Variants in BRWD1 observed in about 807,000 individuals in gnomAD.
BRWD1 encodes bromodomain and WD repeat-containing protein 1.
BRWD1 carries 82 observed loss-of-function variants against 251.2 expected under a neutral mutation model. The observed-to-expected ratio is 0.33, with a 90% CI of 0.27 to 0.39. The LOEUF is 0.39. Among genes scored for constraint, BRWD1 ranks in the 10% least tolerant of loss-of-function variants. BRWD1 has a pLI of 1.00. For missense variants in BRWD1, 2,233 were observed against 2,711.6 expected, an observed-to-expected ratio of 0.82 and a Z score of 3.92; for synonymous variants, 918 against 902.8, an observed-to-expected ratio of 1.02 and a Z score of -0.30.
Position 39,194,415 on chromosome 21 carries a change from A to G in BRWD1, c.*1844T>C. 8.3e-7 allele frequency: 1 copy of G among 1,209,658 alleles called. No individual in the cohort carries two copies. Among genetic ancestry groups the G allele is most frequent in the South Asian group, 2.8e-5 (1 of 35,494 alleles). 74.9% of individuals were successfully genotyped at this position (1,209,658 alleles called of 1,614,324 possible). A position where few individuals can be genotyped will look rare whatever the true frequency, so the allele number is the denominator to read the frequency against. ...AAATTAGCAAAGTAAAAGGCATCCC[A>G]TTAGTCTTTTCAGTCTTAGTCAAGG... is the stretch of plus-strand genomic sequence containing the variant. On this transcript the variant is annotated 3_prime_UTR_variant, in exon 41 of 41. Coordinates refer to ENST00000342449, the MANE Select transcript of BRWD1 (RefSeq NM_033656.4).
chr21:39,196,716 G>C lies in BRWD1; in HGVS notation c.6353C>G (p.Ser2118Ter). ...PFSKTKVIHD[S>*]QETAEKEVKR... ...TACTTCCTTCTCTGCTGTTTCCTGT[G>C]AATCATGAATCACTTTTGTCTTACT... The change falls in exon 41 of 41, where the codon TCA becomes TGA. Residue 2118 changes from serine (S) to a stop codon, truncating the protein, a stop_gained. Transcript: ENST00000342449. LOFTEE classifies it high-confidence loss of function. 1 of 1,613,740 alleles carries C rather than the reference G, an allele frequency of 6.2e-7. No individual in the cohort carries two copies. Among genetic ancestry groups the C allele is most frequent in the South Asian group, 1.1e-5 (1 of 91,064 alleles).
chr21:39,272,897 C>T (rs2035163946), intron 13 of BRWD1, among the ~76,000 whole-genome samples: 1 of 152,156 alleles, frequency 6.6e-6, no homozygotes, highest in South Asian at 2.1e-4. Context: ...CAGGCATGAG[C>T]CACTATGCCC....
chr21:39,189,538 A>T lies in BRWD1; in HGVS notation c.*6721T>A. 1 of 983,652 alleles carries T rather than the reference A, an allele frequency of 1.0e-6. No individual in the cohort carries two copies. The highest frequency in any genetic ancestry group is 1.7e-5 in the African/African-American group (1 of 57,318). The allele number at this position is 983,652 out of a possible 1,614,324, so 60.9% of individuals were successfully genotyped here. A position where few individuals can be genotyped will look rare whatever the true frequency, so the allele number is the denominator to read the frequency against. ...AAATACTTAAGGAAATTTGAACTTCAGTAACTATGCCCAAGGGAGGGAGAA... is the reference window on the plus strand; with the variant it reads ...AAATACTTAAGGAAATTTGAACTTCTGTAACTATGCCCAAGGGAGGGAGAA... On this transcript the variant is annotated 3_prime_UTR_variant, in exon 41 of 41. Transcript: ENST00000342449.
chr21:39,300,569 A>G (rs1017114478), intron 4 of BRWD1, among the ~76,000 whole-genome samples: 3 of 152,244 alleles, frequency 2.0e-5, no homozygotes, highest in African/African-American at 7.2e-5. Flanking sequence ...ATGATCAATT[A>G]CAAATTAGAT....
At chr21:39,204,670 G>A (rs956025229) in intron 37 of BRWD1, among the ~76,000 whole-genome samples, 23 of 152,174 alleles carry the variant, frequency 1.5e-4, no homozygotes, top group Non-Finnish European at 3.1e-4. Context: ...ACCAGGGACC[G>A]GTTTTGTGGA....
intron 27 of BRWD1, among the ~76,000 whole-genome samples, chr21:39,228,120 TCTACTAAA>T (rs1402805870): frequency 6.6e-6 from 1 of 152,070 alleles, no homozygotes; most frequent in Non-Finnish European, 1.5e-5. Flanking sequence ...AAACTCTGTC[TCTACTAAA>T]AATACAAAAA....
intron 37 of BRWD1, 61 bp downstream of exon 37, chr21:39,206,047 C>A: frequency 6.6e-7 from 1 of 1,504,432 alleles, no homozygotes; most frequent in Non-Finnish European, 9.0e-7. Context: ...CTGGGTGACA[C>A]AGTGAGACTC....
chr21:39,236,710 C>T lies in BRWD1; in HGVS notation c.2651G>A (p.Cys884Tyr). The change falls in exon 23 of 41, where the codon TGT (cysteine) becomes TAT (tyrosine). Residue 884 changes from cysteine to tyrosine, a missense_variant. Cys to Tyr is a radical substitution (Grantham distance 194). Transcript: ENST00000342449. ...INLQPPLRTS[C>Y]RRRITRFCSS... ...ACAAAATCGAGTAATTCGTCGACGA[C>T]ATGATGTTCTTAAAGGAGGCTGCAA... is the stretch of plus-strand genomic sequence containing the variant. 1 of 1,614,070 alleles carries T rather than the reference C, an allele frequency of 6.2e-7. No homozygotes were observed.
intron 21 of BRWD1, among the ~76,000 whole-genome samples, chr21:39,238,999 GTC>G (rs1297212859): frequency 6.6e-6 from 1 of 152,110 alleles, no homozygotes; most frequent in Non-Finnish European, 1.5e-5. Context: ...TTGGTGAGGT[GTC>G]TGTTAGATCT....
At chr21:39,318,604 T>A (rs2146835977), upstream of BRWD1, among the ~76,000 whole-genome samples, 1 of 152,308 alleles carries the variant, frequency 6.6e-6, no homozygotes. Flanking sequence ...CAACAAAATA[T>A]GTGTTAAAAG....
At position 39,190,035 on chromosome 21, in the gene BRWD1, G is replaced by A. The variant is rs995014466; in HGVS notation, c.*6224C>T. 9 of 985,242 alleles carry A rather than the reference G, an allele frequency of 9.1e-6. No individual in the cohort carries two copies. The highest frequency in any genetic ancestry group is 9.6e-6 in the Non-Finnish European group (8 of 829,904). 61.0% of individuals were successfully genotyped at this position (985,242 alleles called of 1,614,324 possible). ...TGGGTATGGCAAGAACACATCAGTA[G>A]TGTAAAACTGTACATCTGTAGTAGC... On this transcript the variant is annotated 3_prime_UTR_variant, in exon 41 of 41. Coordinates refer to ENST00000342449, the MANE Select transcript of BRWD1 (RefSeq NM_033656.4).
At chr21:39,229,732 T>C (rs1335601467) in intron 25 of BRWD1, among the ~76,000 whole-genome samples, 1 of 152,140 alleles carries the variant, frequency 6.6e-6, no homozygotes, top group African/African-American at 2.4e-5. Flanking sequence ...TCTAACATAT[T>C]TCCTTCTGGC....
At position 39,313,260 on chromosome 21, in the gene BRWD1, G is replaced by A. The variant is rs1425528155; in HGVS notation, c.89C>T (p.Pro30Leu). 1.3e-6 allele frequency: 2 copies of A among 1,550,040 alleles called. No individual in the cohort carries two copies. Among genetic ancestry groups the A allele is most frequent in the East Asian group, 2.5e-5 (1 of 40,300 alleles). Residue 30 changes from proline to leucine, a missense_variant, in exon 2 of 41, where the codon CCG becomes CTG. By Grantham distance (98) the Pro-to-Leu change is moderately conservative. Around this residue, in one of 12 missense-constraint regions of BRWD1, gnomAD observed 101 missense variants for 95.6 expected, o/e 1.06. Transcript: ENST00000342449. ...ACTCACCTGGGCCGCTCTCCGACAC[G>A]GGCCCGCCGATAGGTACCGGGCGAT... ...FLIARYLSAG[P>L]CRRAAQVLVQ...
chr21:39,245,600 GGT>G (rs2034158321), intron 21 of BRWD1, among the ~76,000 whole-genome samples: 1 of 79,346 alleles, frequency 1.3e-5, no homozygotes, highest in Non-Finnish European at 2.3e-5. Flanking sequence ...TTTTTTTTTT[GGT>G]TTTTTTTTTT....
intron 25 of BRWD1, among the ~76,000 whole-genome samples, chr21:39,230,680 G>C (rs754162822): frequency 1.3e-5 from 2 of 152,026 alleles, no homozygotes; most frequent in Non-Finnish European, 2.9e-5. Flanking sequence ...AAGAACACTA[G>C]AGAGCATGTC....
chr21:39,191,287 A>AC lies in BRWD1; in HGVS notation c.*4971dup, dbSNP rs2031539162. ...CATATGTAAAACTCACAGCGCTCGC[A>AC]CCCCTATATTCTGCCTGCATGAAAA... is the stretch of plus-strand genomic sequence containing the variant. On this transcript the variant is annotated 3_prime_UTR_variant, in exon 41 of 41. Coordinates refer to ENST00000342449, the MANE Select transcript of BRWD1 (RefSeq NM_033656.4). The AC allele has an allele frequency of 1.0e-6, 1 of 985,098 alleles. No homozygotes were observed. Among genetic ancestry groups the AC allele is most frequent in the South Asian group, 4.7e-5 (1 of 21,290 alleles). 61.0% of individuals were successfully genotyped at this position (985,098 alleles called of 1,614,324 possible).
chr21:39,314,124 G>A (rs777136448), upstream of BRWD1: 3 of 455,976 alleles, frequency 6.6e-6, no homozygotes, highest in Admixed American at 2.3e-5. Context: ...GTCTTGCCCC[G>A]CACGGAAGAC....
intron 23 of BRWD1, among the ~76,000 whole-genome samples, chr21:39,233,877 G>A (rs1466622807): frequency 6.6e-6 from 1 of 152,074 alleles, no homozygotes; most frequent in Non-Finnish European, 1.5e-5. Context: ...AAAACTAACC[G>A]AGCGTGGTGG....
chr21:39,264,642 A>G lies in BRWD1; in HGVS notation c.1703T>C (p.Ile568Thr), dbSNP rs2034863296. The G allele has an allele frequency of 1.2e-6, 2 of 1,612,678 alleles. No homozygotes were observed. ...TAAGACATAATTATTAGAATCTCTAATAAGTGGTCGATAGTCAGTATGGAA... is the reference window on the plus strand; with the variant it reads ...TAAGACATAATTATTAGAATCTCTAGTAAGTGGTCGATAGTCAGTATGGAA... ...MFFHTDYRPL[I>T]RDSNNYVLDE... The change falls in exon 17 of 41, where the codon ATT becomes ACT. Residue 568 changes from isoleucine to threonine, a missense_variant. By Grantham distance (89) the Ile-to-Thr change is moderately conservative. Coordinates refer to ENST00000342449, the MANE Select transcript of BRWD1 (RefSeq NM_033656.4).
Sources: gnomAD v4.1 joint callset for allele counts (sites outside exome capture counted in the v4.1 genomes callset) on GRCh38, gnomAD v4.1.1 for gene constraint, gnomAD v4.1.1 regional missense constraint, MANE v1.5 for transcripts, NCBI Gene and HGNC (gene_info 2026-07-23, HGNC 2026-07-21) for gene names.